BCAS1: variants seen among roughly 807,000 people sequenced by gnomAD.
The protein encoded by BCAS1 is brain enriched myelin associated protein 1.
Under a neutral mutation model 65.4 loss-of-function variants are expected in BCAS1, and 46 were observed. The observed-to-expected ratio is 0.70, with a 90% CI of 0.55 to 0.90. The LOEUF (loss-of-function observed/expected upper bound fraction) is 0.90. BCAS1 is among the 40% of genes least tolerant of loss of function. The probability of loss-of-function intolerance (pLI) is 0.00; values close to 1 mark genes in which losing one functional copy is unlikely to be tolerated. For missense variants in BCAS1, 793 were observed against 771.2 expected (o/e 1.03, Z -0.33); for synonymous variants, 298 against 293.5 (o/e 1.02, Z -0.16).
Position 53,975,390 on chromosome 20 carries a change from T to G in BCAS1, c.1316A>C (p.Asn439Thr). 6.2e-7 allele frequency: 1 copy of G among 1,611,880 alleles called. No individual in the cohort carries two copies. The highest frequency in any genetic ancestry group is 2.2e-5 in the East Asian group (1 of 44,842). ...TCTGCCGTGGTGTGTGTAACTTACA[T>G]TCTCCTCCGCACCTGTGGGGACTGA... Reference protein sequence around the residue: ...EDSVPTGAEENVVCESPVEII... With the variant: ...EDSVPTGAEETVVCESPVEII... The change falls in exon 9 of 13, where the codon AAT becomes ACT. Residue 439 changes from asparagine to threonine, a missense_variant and splice_region_variant. Physicochemically the swap from Asn to Thr is moderately conservative, Grantham distance 65. Transcript: ENST00000688948.
chr20:54,028,332 T>C (rs2146096661), intron 4 of BCAS1, 60 bp downstream of exon 4: 5 of 1,575,242 alleles, frequency 3.2e-6, no homozygotes, highest in Non-Finnish European at 4.4e-6. Context: ...AGTGGTCTTA[T>C]CCCATTAGCG....
At chr20:53,998,344 A>G (rs1252925816) in intron 4 of BCAS1, among the ~76,000 whole-genome samples, 1 of 152,226 alleles carries the variant, frequency 6.6e-6, no homozygotes, top group Non-Finnish European at 1.5e-5. Flanking sequence ...AAGAGGTTTC[A>G]TTGGCTCACA....
chr20:54,051,816 C>A (rs2146284787), intron 3 of BCAS1, among the ~76,000 whole-genome samples: 1 of 152,178 alleles, frequency 6.6e-6, no homozygotes, highest in South Asian at 2.1e-4. Context: ...TGGCTCACTG[C>A]AACCTCTGCC....
rs200179696 is a variant in BCAS1 at position 53,985,268 on chromosome 20, G to T, written c.1275+19C>A. The T allele has an allele frequency of 6.2e-7, 1 of 1,610,826 alleles. No individual in the cohort carries two copies. The highest frequency in any genetic ancestry group is 1.7e-5 in the Admixed American group (1 of 60,000). On this transcript the variant is annotated intron_variant, in intron 8 of 12. Transcript: ENST00000688948. ...ATCCCCGCCCGGACGACTCTCTAACGCTTGAAAATCAGACTTACCTTTTTC... is the reference window on the plus strand; with the variant it reads ...ATCCCCGCCCGGACGACTCTCTAACTCTTGAAAATCAGACTTACCTTTTTC...
Position 53,996,004 on chromosome 20 carries a change from G to T in BCAS1, c.770C>A (p.Ala257Glu), listed in dbSNP as rs138168398. Reference protein sequence around the residue: ...KEKEGQELGTADCSVPGDPEG... With the variant: ...KEKEGQELGTEDCSVPGDPEG... ...TGGGTCCCCAGGGACAGAGCAATCCGCAGTTCCAAGTTCTTGTCCTTCTTT... is the reference window on the plus strand; with the variant it reads ...TGGGTCCCCAGGGACAGAGCAATCCTCAGTTCCAAGTTCTTGTCCTTCTTT... Residue 257 changes from alanine to glutamate, a missense_variant, in exon 5 of 13, where the codon GCG (alanine) becomes GAG (glutamate). Coordinates refer to ENST00000688948, the MANE Select transcript of BCAS1 (RefSeq NM_001366298.2). The T allele has an allele frequency of 6.2e-7, 1 of 1,610,976 alleles. No homozygotes were observed. Among genetic ancestry groups the T allele is most frequent in the African/African-American group, 1.3e-5 (1 of 74,826 alleles).
chr20:54,008,836 T>C (rs2091260365), intron 4 of BCAS1, among the ~76,000 whole-genome samples: 1 of 151,950 alleles, frequency 6.6e-6, no homozygotes, highest in East Asian at 1.9e-4. Flanking sequence ...GACGGAGTCT[T>C]GCTCTGTCAC....
intron 11 of BCAS1, among the ~76,000 whole-genome samples, chr20:53,954,935 A>C (rs549859522): frequency 6.6e-4 from 101 of 152,372 alleles, no homozygotes; most frequent in African/African-American, 2.2e-3. Flanking sequence ...ACAACCTTGA[A>C]ATTAAATTTT....
chr20:53,944,980 A>G lies in BCAS1; in HGVS notation c.1832T>C (p.Leu611Ser), dbSNP rs752786931. 4.3e-5 allele frequency: 69 copies of G among 1,614,010 alleles called. No homozygotes were observed. The Middle Eastern group carries it at 2.1e-3, about 50-fold the overall frequency. The change falls in exon 13 of 13, where the codon TTG becomes TCG. Residue 611 changes from leucine (L) to serine (S), a missense_variant. Coordinates refer to ENST00000688948, the MANE Select transcript of BCAS1 (RefSeq NM_001366298.2). Reference sequence around the variant, plus strand: ...TGGGTCTGTTTGCACTTGAGCATCCAACATCCGCTTTGGTCCCTGGAGAAA... The same window carrying G: ...TGGGTCTGTTTGCACTTGAGCATCCGACATCCGCTTTGGTCCCTGGAGAAA... ...FFKGLGPKRMLDAQVQTDPVS... is the reference protein window; with the variant it reads ...FFKGLGPKRMSDAQVQTDPVS...
intron 11 of BCAS1, among the ~76,000 whole-genome samples, chr20:53,956,233 C>T (rs1004829152): frequency 6.6e-6 from 1 of 152,146 alleles, no homozygotes; most frequent in Non-Finnish European, 1.5e-5. Flanking sequence ...GGGGCCCTGC[C>T]CCAATAGGAT....
Position 54,035,325 on chromosome 20 carries a change from C to T in BCAS1, c.143-6353G>A, listed in dbSNP as rs547312408. The stretch of plus-strand genomic sequence containing the variant: ...CTGAGGCAGGAGAATGGTGTGAACC[C>T]GGGAGACAGAGCTTGCACTGAGCCG... On this transcript the variant is annotated intron_variant, in intron 3 of 12. Coordinates refer to ENST00000688948, the MANE Select transcript of BCAS1 (RefSeq NM_001366298.2). 2.3e-4 allele frequency among the ~76,000 whole-genome samples: 33 copies of T among 146,068 alleles called. 1 individual carries two copies. Among genetic ancestry groups the T allele is most frequent in the South Asian group, 8.7e-4 (4 of 4,612 alleles).
In BCAS1 at chr20:53,970,920, A is replaced by AT. The variant is rs11475396; in HGVS notation, c.1318-3848dup. Among the ~76,000 whole-genome samples the AT allele has an allele frequency of 8.1e-3, 1,204 of 149,186 alleles. 17 individuals carry two copies. The highest frequency in any genetic ancestry group is 0.027 in the African/African-American group (1,106 of 40,772). On this transcript the variant is annotated intron_variant, in intron 9 of 12. Coordinates refer to ENST00000688948, the MANE Select transcript of BCAS1 (RefSeq NM_001366298.2). ...GATTGATTACAAAGACCTCCCACAG[A>AT]TTTTTTTTTTTCTACTCAGTAACTA...
chr20:54,008,734 A>G (rs1014653125), intron 4 of BCAS1, among the ~76,000 whole-genome samples: 5 of 152,240 alleles, frequency 3.3e-5, no homozygotes, highest in African/African-American at 1.2e-4. Flanking sequence ...GGCCTCAAAC[A>G]TAATAAAACA....
At chr20:54,029,116 T>C in intron 3 of BCAS1, 144 bp from the exon 4 acceptor site, 3 of 1,437,118 alleles carry the variant, frequency 2.1e-6, no homozygotes, top group Non-Finnish European at 2.7e-6. Context: ...AGGCAGAAGT[T>C]AGCTCTCTAC....
At chr20:54,000,461 A>C (rs531391363) in intron 4 of BCAS1, among the ~76,000 whole-genome samples, 5 of 152,338 alleles carry the variant, frequency 3.3e-5, no homozygotes, top group Middle Eastern at 6.8e-3. Flanking sequence ...ACATGGTACA[A>C]TCTCAAAAAT....
At chr20:54,059,736 A>G (rs1412804614) in intron 1 of BCAS1, among the ~76,000 whole-genome samples, 1 of 152,220 alleles carries the variant, frequency 6.6e-6, no homozygotes, top group Non-Finnish European at 1.5e-5. Flanking sequence ...GCACGCAACC[A>G]CATTGAACAC....
At chr20:53,994,153 T>G (rs1293422487) in intron 6 of BCAS1, among the ~76,000 whole-genome samples, 1 of 152,186 alleles carries the variant, frequency 6.6e-6, no homozygotes, top group African/African-American at 2.4e-5. Flanking sequence ...GGGTAGCAGA[T>G]GTAGGGGGCA....
rs528498022 is a variant in BCAS1, at chr20:54,053,692, G to A, written c.142+4393C>T. ...TTAGGAGTATCAACTTATTTAAACC[G>A]TACAATAACTTAGAAGCTTTGGTCC... On this transcript the variant is annotated intron_variant, in intron 3 of 12. Transcript: ENST00000688948. 8.5e-5 allele frequency among the ~76,000 whole-genome samples: 13 copies of A among 152,284 alleles called. No homozygotes were observed. The South Asian group carries it at 1.0e-3, about 12-fold the overall frequency.
At position 53,943,816 on chromosome 20, in the gene BCAS1, G is replaced by A. The variant is rs1450448209; in HGVS notation, c.*1106C>T. The A allele has an allele frequency of 1.3e-5, 2 of 151,766 alleles. No individual in the cohort carries two copies. Among genetic ancestry groups the A allele is most frequent in the African/African-American group, 4.8e-5 (2 of 41,320 alleles). 9.4% of individuals were successfully genotyped at this position (151,766 alleles called of 1,614,324 possible). On this transcript the variant is annotated 3_prime_UTR_variant, in exon 13 of 13. Transcript: ENST00000688948. ...AAGTGTCAGACGGAACAGATGAAGC[G>A]AGCCCCTCAGCCATCTGAGAAACAT...
intron 12 of BCAS1, among the ~76,000 whole-genome samples, chr20:53,950,506 G>A (rs986802097): frequency 1.3e-4 from 19 of 151,320 alleles, no homozygotes; most frequent in East Asian, 1.9e-4. Flanking sequence ...ACTCTATCGC[G>A]GGACCTTGTT....
Sources: gnomAD v4.1 joint callset for allele counts (sites outside exome capture counted in the v4.1 genomes callset) on GRCh38, gnomAD v4.1.1 for gene constraint, MANE v1.5 for transcripts, NCBI Gene and HGNC (gene_info 2026-07-23, HGNC 2026-07-21) for gene names.